Variants in TNMD observed in about 807,000 individuals in gnomAD.
TNMD encodes BRICHOS domain containing 4.
Under a neutral mutation model 26.9 loss-of-function variants are expected in TNMD, and 15 were observed. That is an observed-to-expected ratio of 0.56 (90% CI 0.37 to 0.86). TNMD has a LOEUF of 0.86. Ranked by LOEUF, TNMD falls within the 40% of genes least tolerant of loss-of-function variation. The pLI, the probability that TNMD is intolerant of heterozygous loss-of-function variation, is 0.00. For missense variants in TNMD, 222 were observed against 242.6 expected (o/e 0.92, Z 0.56); for synonymous variants, 73 against 77.0 (o/e 0.95, Z 0.27).
chrX:100,597,661 T>C lies in TNMD; in HGVS notation c.577+4T>C. 2.5e-6 allele frequency: 3 copies of C among 1,204,984 alleles called. No homozygotes were observed. The South Asian group carries it at 5.3e-5, about 21-fold the overall frequency. On this transcript the variant is annotated splice_donor_region_variant and intron_variant, in intron 5 of 6. Transcript: ENST00000373031. ...ATCAATCCCACTCTAATATCAGGTATGACATTCTTATCCTCATCCTCCTCC... is the reference window on the plus strand; with the variant it reads ...ATCAATCCCACTCTAATATCAGGTACGACATTCTTATCCTCATCCTCCTCC...
At chrX:100,598,819 T>C (rs761745007) in intron 5 of TNMD, among the ~76,000 whole-genome samples, 197 bp from the exon 6 acceptor site, 17 of 112,099 alleles carry the variant, frequency 1.5e-4, no homozygotes, top group African/African-American at 5.5e-4. Flanking sequence ...AGTTTGTGTA[T>C]GTAGAAATGA....
At chrX:100,593,857 C>T (rs753483163) in intron 2 of TNMD, 38 bp from the exon 3 acceptor site, 3 of 1,198,389 alleles carry the variant, frequency 2.5e-6, no homozygotes, top group Admixed American at 4.4e-5. Flanking sequence ...TAGGGACACA[C>T]TGAGTATCTT....
intron 2 of TNMD, among the ~76,000 whole-genome samples, chrX:100,592,610 A>C (rs1383471514): frequency 8.9e-6 from 1 of 112,199 alleles, no homozygotes; most frequent in Non-Finnish European, 1.9e-5. Flanking sequence ...TTTTCTCTTC[A>C]GCAGCTACAT....
intron 4 of TNMD, among the ~76,000 whole-genome samples, chrX:100,595,768 G>A (rs1353331990): frequency 9.0e-6 from 1 of 111,053 alleles, no homozygotes; most frequent in Non-Finnish European, 1.9e-5. Flanking sequence ...CTGCTCCCAA[G>A]GTCTACGGTA....
At chrX:100,592,388 T>C (rs2082940339) in intron 2 of TNMD, among the ~76,000 whole-genome samples, 1 of 112,468 alleles carries the variant, frequency 8.9e-6, no homozygotes, top group Admixed American at 9.4e-5. Context: ...ACTTCCTGAG[T>C]TAACTCTGCA....
At chrX:100,597,748 A>G in intron 5 of TNMD, 91 bp downstream of exon 5, 1 of 968,156 alleles carries the variant, frequency 1.0e-6, no homozygotes, top group South Asian at 2.1e-5. Flanking sequence ...TTCTAGGAAA[A>G]CAAATGATCG....
intron 2 of TNMD, chrX:100,593,311 G>A (rs961182378): frequency 1.3e-6 from 1 of 749,400 alleles, no homozygotes; most frequent in East Asian, 1.5e-4. Flanking sequence ...GAATAAACTG[G>A]GTGGGGTTGG....
intron 2 of TNMD, among the ~76,000 whole-genome samples, chrX:100,591,062 G>A (rs191201479): frequency 1.8e-5 from 2 of 111,439 alleles, no homozygotes; most frequent in African/African-American, 6.5e-5. Context: ...TGTCTAGACA[G>A]GAGACAAAGG....
intron 4 of TNMD, among the ~76,000 whole-genome samples, chrX:100,595,397 C>G (rs766284670): frequency 1.8e-5 from 2 of 110,667 alleles, no homozygotes; most frequent in Non-Finnish European, 3.8e-5. Context: ...TTACAGGCAT[C>G]AGCCACCGCG....
rs191816785 is a variant in TNMD, at chrX:100,588,164, C to T, written c.180+2802C>T. On this transcript the variant is annotated intron_variant, in intron 2 of 6. Transcript: ENST00000373031. ...CATTTCCATGCCAATAAGTCCTTCTCCTCACTCCCGCTTTGGTGTGTACAA... is the reference window on the plus strand; with the variant it reads ...CATTTCCATGCCAATAAGTCCTTCTTCTCACTCCCGCTTTGGTGTGTACAA... 1.8e-4 allele frequency among the ~76,000 whole-genome samples: 20 copies of T among 111,717 alleles called. No homozygotes were observed. In the South Asian group the frequency reaches 2.3e-3, roughly 13 times the overall value.
intron 2 of TNMD, among the ~76,000 whole-genome samples, chrX:100,592,798 G>A (rs183852502): frequency 1.3e-4 from 15 of 112,155 alleles, no homozygotes; most frequent in Admixed American, 8.5e-4. Context: ...ACTGGGAACC[G>A]TATCATTAGA....
chrX:100,588,355 A>G (rs2082927987), intron 2 of TNMD, among the ~76,000 whole-genome samples: 1 of 111,372 alleles, frequency 9.0e-6, no homozygotes, highest in Admixed American at 9.5e-5. Context: ...ATCAAAATAA[A>G]GTGAAACAAG....
At chrX:100,587,074 C>T (rs1231406315) in intron 2 of TNMD, among the ~76,000 whole-genome samples, 1 of 112,305 alleles carries the variant, frequency 8.9e-6, no homozygotes, top group African/African-American at 3.2e-5. Context: ...AATGGCCTTT[C>T]TTGTTTTATT....
chrX:100,594,213 A>G, intron 3 of TNMD, 48 bp from the exon 4 acceptor site: 2 of 1,042,041 alleles, frequency 1.9e-6, no homozygotes, highest in Non-Finnish European at 2.6e-6. Flanking sequence ...GAACTTACTA[A>G]TAGTGGCTCT....
At chrX:100,593,238 T>C in intron 2 of TNMD, 3 of 556,625 alleles carry the variant, frequency 5.4e-6, no homozygotes, top group Non-Finnish European at 6.5e-6. Context: ...CTTAATTCCA[T>C]ATACACAAAA....
At chrX:100,592,503 G>A (rs1236590519) in intron 2 of TNMD, among the ~76,000 whole-genome samples, 5 of 111,909 alleles carry the variant, frequency 4.5e-5, no homozygotes, top group Non-Finnish European at 9.4e-5. Flanking sequence ...ATAAGGATGT[G>A]CCATTGGTGG....
Position 100,585,352 on chromosome X carries a change from T to C in TNMD, c.170T>C (p.Val57Ala). Reference sequence around the variant, plus strand: ...GGGAGCAAGCACTTCTGGCCGGAGGTACCCAAAAAAGTAAGTAAATACACA... The same window carrying C: ...GGGAGCAAGCACTTCTGGCCGGAGGCACCCAAAAAAGTAAGTAAATACACA... ...FWGSKHFWPE[V>A]PKKAYDMEHT... Residue 57 changes from valine (V) to alanine (A), a missense_variant, in exon 2 of 7, where the codon GTA becomes GCA. Coordinates refer to ENST00000373031, the MANE Select transcript of TNMD (RefSeq NM_022144.3). 8.3e-7 allele frequency: 1 copy of C among 1,209,244 alleles called. No homozygotes were observed. The highest frequency in any genetic ancestry group is 1.1e-6 in the Non-Finnish European group (1 of 894,655).
At chrX:100,595,591 G>A (rs746202205) in intron 4 of TNMD, among the ~76,000 whole-genome samples, 4 of 109,485 alleles carry the variant, frequency 3.7e-5, no homozygotes, top group South Asian at 4.0e-4. Flanking sequence ...ATTTGGGGGC[G>A]GTGGGTGGGG....
At chrX:100,585,767 G>A (rs779110159) in intron 2 of TNMD, among the ~76,000 whole-genome samples, 7 of 112,680 alleles carry the variant, frequency 6.2e-5, no homozygotes, top group Non-Finnish European at 1.3e-4. Flanking sequence ...GGCAGCAAAG[G>A]ATTTTCAGGG....
Sources: gnomAD v4.1 joint callset for allele counts (sites outside exome capture counted in the v4.1 genomes callset) on GRCh38, gnomAD v4.1.1 for gene constraint, MANE v1.5 for transcripts, NCBI Gene and HGNC (gene_info 2026-07-23, HGNC 2026-07-21) for gene names.